OTOG: variants seen among roughly 807,000 people sequenced by gnomAD.
The protein encoded by OTOG is otogelin.
In OTOG, 296 loss-of-function variants were observed where a neutral mutation model predicts 313.8. The ratio of observed to expected loss-of-function variants is 0.94; its 90% CI spans 0.86 to 1.04. The LOEUF (loss-of-function observed/expected upper bound fraction) is 1.04. OTOG is among the 50% of genes least tolerant of loss of function. The pLI is 0.00. For synonymous variants in OTOG, 1,533 were observed against 1,554.9 expected (o/e 0.99, Z 0.33); for missense variants, 3,948 against 3,840.1 (o/e 1.03, Z -0.74).
chr11:17,614,968 G>C (rs528165788), intron 39 of OTOG, among the ~76,000 whole-genome samples: 1 of 152,208 alleles, frequency 6.6e-6, no homozygotes, highest in African/African-American at 2.4e-5. Context: ...CAGGCATTTA[G>C]CATTCCCACC....
chr11:17,579,410 C>G (rs1324824811), intron 23 of OTOG, among the ~76,000 whole-genome samples: 1 of 152,088 alleles, frequency 6.6e-6, no homozygotes, highest in Admixed American at 6.5e-5. Flanking sequence ...GACCATGATT[C>G]CCATTTTGCA....
intron 23 of OTOG, among the ~76,000 whole-genome samples, chr11:17,585,670 C>A (rs1277970064): frequency 6.6e-6 from 1 of 152,138 alleles, no homozygotes; most frequent in Admixed American, 6.5e-5. Flanking sequence ...GTCTGCTCCC[C>A]TCAGTGATGC....
At chr11:17,572,943 G>C in intron 18 of OTOG, 135 bp from the exon 19 acceptor site, 1 of 825,910 alleles carries the variant, frequency 1.2e-6, no homozygotes, top group Non-Finnish European at 1.8e-6. Flanking sequence ...GCTGTACACT[G>C]AAGTAGCTGC....
chr11:17,578,345 C>A (rs1377440397), intron 22 of OTOG, 28 bp from the exon 23 acceptor site: 2 of 1,467,010 alleles, frequency 1.4e-6, no homozygotes, highest in African/African-American at 1.4e-5. Flanking sequence ...GGCCCCAGGG[C>A]CTCCGCTCCC....
chr11:17,610,749 GC>G lies in OTOG; in HGVS notation c.5453del (p.Pro1818GlnfsTer39). 2.6e-6 allele frequency: 4 copies of G among 1,549,840 alleles called. No individual in the cohort carries two copies. The South Asian group carries it at 4.8e-5, about 18-fold the overall frequency. On this transcript the variant is annotated frameshift_variant, in exon 36 of 56. Transcript: ENST00000399397. LOFTEE classifies it high-confidence loss of function. ...SLPLAKVGTS[A>X]PVATPGPKAS... ...GCCCCTGGCCAAGGTGGGCACATCT[GC>G]CCCAGTGGCCACACCCGGCCCCAAA... is the stretch of plus-strand genomic sequence containing the variant.
At chr11:17,644,973 T>A (rs907937435) in intron 54 of OTOG, among the ~76,000 whole-genome samples, 3 of 152,164 alleles carry the variant, frequency 2.0e-5, no homozygotes, top group African/African-American at 7.2e-5. Context: ...AGACTGGTTG[T>A]CTGTGAGAGG....
intron 45 of OTOG, 30 bp downstream of exon 45, chr11:17,634,978 G>GGGGGT: frequency 7.2e-7 from 1 of 1,384,952 alleles, no homozygotes; most frequent in Non-Finnish European, 9.9e-7. Flanking sequence ...GAGGGTGGGG[G>GGGGGT]ACGGACTGAG....
At chr11:17,616,260 T>G (rs1030738742) in intron 39 of OTOG, among the ~76,000 whole-genome samples, 1 of 152,164 alleles carries the variant, frequency 6.6e-6, no homozygotes, top group Non-Finnish European at 1.5e-5. Flanking sequence ...TCTCACTATG[T>G]TGCCCAGGCT....
intron 22 of OTOG, among the ~76,000 whole-genome samples, chr11:17,577,970 C>T (rs1199041377): frequency 1.3e-5 from 2 of 152,150 alleles, no homozygotes; most frequent in Non-Finnish European, 2.9e-5. Context: ...CTCTTTCTAG[C>T]CCTGCTCCTG....
At chr11:17,622,223 TTTTTTAA>T (rs1200607714) in intron 39 of OTOG, among the ~76,000 whole-genome samples, 1 of 152,206 alleles carries the variant, frequency 6.6e-6, no homozygotes, top group Non-Finnish European at 1.5e-5. Context: ...AGTCTAATCC[TTTTTTAA>T]TTTTTAATTT....
At chr11:17,612,874 C>G in intron 38 of OTOG, 109 bp downstream of exon 38, 1 of 1,282,714 alleles carries the variant, frequency 7.8e-7, no homozygotes, top group Non-Finnish European at 1.0e-6. Flanking sequence ...GATGTGGAAG[C>G]CCCCCTGAGC....
chr11:17,632,879 C>G (rs1456679818), intron 42 of OTOG, among the ~76,000 whole-genome samples: 6 of 152,154 alleles, frequency 3.9e-5, no homozygotes, highest in Admixed American at 1.3e-4. Flanking sequence ...GACAAAAGTC[C>G]TCTTGGGTCG....
chr11:17,602,680 C>T lies in OTOG; in HGVS notation c.3877+303C>T, dbSNP rs181516801. On this transcript the variant is annotated intron_variant, in intron 32 of 55. Transcript: ENST00000399397. ...GCTCTCCCTCCTCATGCTCCTCCTC[C>T]TCCTTCCTCTCTTCCTATCTCACCC... 9.9e-5 allele frequency among the ~76,000 whole-genome samples: 15 copies of T among 152,266 alleles called. No individual in the cohort carries two copies. The East Asian group carries it at 1.9e-3, about 20-fold the overall frequency.
At position 17,610,849 on chromosome 11, in the gene OTOG, C is replaced by T. The variant is rs376684690; in HGVS notation, c.5549C>T (p.Pro1850Leu). The change falls in exon 36 of 56, where the codon CCT (proline) becomes CTT (leucine). Residue 1850 changes from proline to leucine, a missense_variant. Coordinates refer to ENST00000399397, the MANE Select transcript of OTOG (RefSeq NM_001292063.2). ...GCTCAGACACTTAGCCCAGTACTGC[C>T]TTTCACTCCAGCAGCAATGACCCAG... ...LPAQTLSPVL[P>L]FTPAAMTQAH... 6.4e-6 allele frequency: 10 copies of T among 1,550,838 alleles called. No homozygotes were observed. In the Admixed American group the frequency reaches 1.4e-4, roughly 21 times the overall value.
rs1173060708 is a variant in OTOG, at chr11:17,596,961, T to C, written c.3636T>C (p.Cys1212=). The change falls in exon 30 of 56, where the codon TGT becomes TGC. Residue 1212 remains cysteine, a synonymous_variant. Transcript: ENST00000399397. The stretch of plus-strand genomic sequence containing the variant: ...GCGTCTCCGCTTATGCCCACCAGTG[T>C]TGCCAGCATGGGGTGGCTGTTGACT... ...CASVSAYAHQ[C]CQHGVAVDWR... 1.2e-5 allele frequency: 19 copies of C among 1,550,658 alleles called. No individual in the cohort carries two copies. The highest frequency in any genetic ancestry group is 1.5e-5 in the Non-Finnish European group (17 of 1,147,006).
chr11:17,549,453 C>T (rs1441313211), intron 3 of OTOG, among the ~76,000 whole-genome samples: 1 of 152,234 alleles, frequency 6.6e-6, no homozygotes, highest in Non-Finnish European at 1.5e-5. Flanking sequence ...TTTACTTCTT[C>T]TTTGCCCACA....
chr11:17,623,857 G>A lies in OTOG; in HGVS notation c.6529-5276G>A, dbSNP rs183745657. Among the ~76,000 whole-genome samples the A allele has an allele frequency of 1.1e-3, 170 of 152,238 alleles. 1 individual carries two copies. The highest frequency in any genetic ancestry group is 4.0e-3 in the African/African-American group (166 of 41,556). ...TAGCCATTCTGACTGGTGTGAGATG[G>A]TATCTCATTGCTGTTTTGATTTGCA... On this transcript the variant is annotated intron_variant, in intron 39 of 55. Coordinates refer to ENST00000399397, the MANE Select transcript of OTOG (RefSeq NM_001292063.2).
Position 17,612,285 on chromosome 11 carries a change from G to T in OTOG, c.6247G>T (p.Val2083Leu), listed in dbSNP as rs771001348. 4 of 1,542,136 alleles carry T rather than the reference G, an allele frequency of 2.6e-6. No individual in the cohort carries two copies. Among genetic ancestry groups the T allele is most frequent in the Non-Finnish European group, 3.5e-6 (4 of 1,146,736 alleles). The change falls in exon 37 of 56, where the codon GTG becomes TTG. Residue 2083 changes from valine to leucine, a missense_variant. By Grantham distance (32) the Val-to-Leu change is conservative (BLOSUM62 1). Transcript: ENST00000399397. ...TCGCTGTGGGATCCTGGGCCTCGCC[G>T]TGCGGGTGGGTGGGGACCGCTGCTG... ...PPRCGILGLA[V>L]RVGGDRCCPL...
At chr11:17,618,199 C>A (rs1337717965) in intron 39 of OTOG, among the ~76,000 whole-genome samples, 1 of 152,180 alleles carries the variant, frequency 6.6e-6, no homozygotes, top group African/African-American at 2.4e-5. Context: ...CCATGCCTGG[C>A]CTCTTTTTCT....
Sources: allele counts gnomAD v4.1 joint callset (sites outside exome capture counted in the v4.1 genomes callset), GRCh38; gene constraint gnomAD v4.1.1; transcripts MANE v1.5; gene names NCBI Gene and HGNC (gene_info 2026-07-23, HGNC 2026-07-21).